The following MBIP variants were observed in gnomAD, a reference collection of about 807,000 sequenced individuals.
MBIP encodes MAP3K12-binding inhibitory protein 1.
Under a neutral mutation model 45.7 loss-of-function variants are expected in MBIP, and 32 were observed. The ratio of observed to expected loss-of-function variants is 0.70; its 90% CI spans 0.53 to 0.94. The LOEUF (loss-of-function observed/expected upper bound fraction) is 0.94, where lower values mean the gene tolerates loss of function less well. Ranked by LOEUF, MBIP falls within the 40% of genes least tolerant of loss-of-function variation. The pLI is 0.00. For missense variants in MBIP, 381 were observed against 405.5 expected (o/e 0.94, Z 0.52); for synonymous variants, 145 against 141.0 (o/e 1.03, Z -0.20).
intron 7 of MBIP, among the ~76,000 whole-genome samples, chr14:36,302,777 G>A (rs1211986447): frequency 1.3e-5 from 2 of 152,160 alleles, no homozygotes; most frequent in African/African-American, 4.8e-5. Flanking sequence ...TAACTTTACT[G>A]TTTGTTTTAG....
chr14:36,317,678 T>C (rs1880655214), intron 1 of MBIP, among the ~76,000 whole-genome samples: 1 of 152,086 alleles, frequency 6.6e-6, no homozygotes, highest in Non-Finnish European at 1.5e-5. Context: ...CTGCAGTCTT[T>C]TGAATGAATA....
chr14:36,299,259 A>G, intron 8 of MBIP, 69 bp from the exon 9 acceptor site: 5 of 984,194 alleles, frequency 5.1e-6, no homozygotes, highest in Non-Finnish European at 8.0e-6. Flanking sequence ...AAAGTGCCAA[A>G]TGAACTATAA....
At chr14:36,305,637 T>C (rs181757019) in intron 7 of MBIP, among the ~76,000 whole-genome samples, 2 of 152,262 alleles carry the variant, frequency 1.3e-5, no homozygotes, top group East Asian at 3.9e-4. Flanking sequence ...TATCCATCAA[T>C]GGACTCTCAC....
At position 36,314,814 on chromosome 14, in the gene MBIP, G is replaced by T; in HGVS notation, c.351C>A (p.Asp117Glu). Residue 117 changes from aspartate to glutamate, a missense_variant, in exon 3 of 9, where the codon GAC becomes GAA. Transcript: ENST00000416007. ...TEMGNKNEVN[D>E]KFSIGDLQEE... is the part of the protein sequence containing the mutation. ...CTTGTAGGTCGCCAATGGAAAATTT[G>T]TCATTTACTTCATTTTTGTTCCCCA... 1 of 1,613,130 alleles carries T rather than the reference G, an allele frequency of 6.2e-7. No homozygotes were observed.
intron 8 of MBIP, among the ~76,000 whole-genome samples, chr14:36,299,516 G>A (rs1310476834): frequency 6.6e-6 from 1 of 150,716 alleles, no homozygotes; most frequent in Non-Finnish European, 1.5e-5. Flanking sequence ...AAGATGGGAG[G>A]AGGGAGAGGA....
In MBIP at chr14:36,310,489, C is replaced by T. The variant is rs150587205; in HGVS notation, c.790+1084G>A. 1.6e-4 allele frequency among the ~76,000 whole-genome samples: 25 copies of T among 152,296 alleles called. No homozygotes were observed. The East Asian group carries it at 3.5e-3, about 21-fold the overall frequency. On this transcript the variant is annotated intron_variant, in intron 6 of 8. Coordinates refer to ENST00000416007, the MANE Select transcript of MBIP (RefSeq NM_016586.3). The stretch of plus-strand genomic sequence containing the variant: ...GTCAAACACTAACTTTCTGTCCCTC[C>T]GTACATACATCTGCAAAGGTGAAAT...
intron 6 of MBIP, among the ~76,000 whole-genome samples, chr14:36,311,210 C>A (rs28690192): frequency 0.082 from 12,422 of 152,192 alleles, 675 homozygotes; most frequent in Non-Finnish European, 0.12. Context: ...TGTAGTCCCA[C>A]TGACACAGGA....
intron 1 of MBIP, among the ~76,000 whole-genome samples, chr14:36,320,051 T>C (rs955667685): frequency 6.6e-6 from 1 of 151,084 alleles, no homozygotes; most frequent in African/African-American, 2.4e-5. Context: ...AAAAAGCTAA[T>C]AAGCGCGCGC....
At chr14:36,301,047 C>T in intron 7 of MBIP, 1 of 321,124 alleles carries the variant, frequency 3.1e-6, no homozygotes, top group South Asian at 1.0e-4. Flanking sequence ...AATATTGCAG[C>T]AACATGCTCA....
In MBIP at chr14:36,302,643, C is replaced by A. The variant is rs1209275836; in HGVS notation, c.889-1820G>T. ...AATATTAGAATGAGGAAAATAAGGT[C>A]ATCAGTCGCTCAGTGACTTAAAAAC... On this transcript the variant is annotated intron_variant, in intron 7 of 8. Transcript: ENST00000416007. Among the ~76,000 whole-genome samples the A allele has an allele frequency of 4.6e-5, 7 of 151,860 alleles. No homozygotes were observed. In the South Asian group the frequency reaches 1.0e-3, roughly 23 times the overall value.
At chr14:36,315,676 A>C (rs1880526287) in intron 2 of MBIP, among the ~76,000 whole-genome samples, 1 of 151,972 alleles carries the variant, frequency 6.6e-6, no homozygotes, top group South Asian at 2.1e-4. Flanking sequence ...CCCCACAATG[A>C]GGTCTCATTT....
chr14:36,308,285 A>G (rs1249424790), intron 6 of MBIP, 96 bp from the exon 7 acceptor site: 2 of 651,428 alleles, frequency 3.1e-6, no homozygotes, highest in African/African-American at 3.7e-5. Flanking sequence ...ACTTATGCAA[A>G]GGAATGGAAA....
chr14:36,311,219 G>A (rs1370219953), intron 6 of MBIP, among the ~76,000 whole-genome samples: 2 of 152,184 alleles, frequency 1.3e-5, no homozygotes, highest in Non-Finnish European at 1.5e-5. Context: ...ACTGACACAG[G>A]AGGTTGAAGC....
intron 6 of MBIP, among the ~76,000 whole-genome samples, chr14:36,309,248 C>A (rs1051697390): frequency 6.6e-6 from 1 of 152,202 alleles, no homozygotes; most frequent in African/African-American, 2.4e-5. Flanking sequence ...CCCTACCCAG[C>A]ACTCCCTTAT....
intron 7 of MBIP, among the ~76,000 whole-genome samples, chr14:36,304,704 A>G (rs1879769608): frequency 6.6e-6 from 1 of 152,164 alleles, no homozygotes; most frequent in South Asian, 2.1e-4. Flanking sequence ...TACACATATA[A>G]CTTATTTTGG....
chr14:36,316,936 AT>A lies in MBIP; in HGVS notation c.130-125del, dbSNP rs1466656856. The stretch of plus-strand genomic sequence containing the variant: ...TTTGCTCTAAGTTATCAAGTTTTTA[AT>A]AATACACTGAAATGCTCTACCCAGT... On this transcript the variant is annotated intron_variant, in intron 1 of 8. Transcript: ENST00000416007. 4.3e-6 allele frequency: 4 copies of A among 929,936 alleles called. No individual in the cohort carries two copies. The African/African-American group carries it at 5.1e-5, about 12-fold the overall frequency. The allele number at this position is 929,936 out of a possible 1,614,324, so 57.6% of individuals were successfully genotyped here.
chr14:36,314,435 A>T (rs531003889), intron 4 of MBIP, 77 bp downstream of exon 4: 1 of 818,294 alleles, frequency 1.2e-6, no homozygotes, highest in South Asian at 1.9e-5. Flanking sequence ...CTATTCATTT[A>T]AAAAATAAAT....
Position 36,312,000 on chromosome 14 carries a change from G to T in MBIP, c.596C>A (p.Ala199Glu). 6.3e-7 allele frequency: 1 copy of T among 1,593,540 alleles called. No individual in the cohort carries two copies. The highest frequency in any genetic ancestry group is 1.2e-5 in the South Asian group (1 of 86,378). The change falls in exon 5 of 9, where the codon GCG becomes GAG. Residue 199 changes from alanine (A) to glutamate (E), a missense_variant. Coordinates refer to ENST00000416007, the MANE Select transcript of MBIP (RefSeq NM_016586.3). Reference sequence around the variant, plus strand: ...AAATCCGGGGTAAGGGGTAAAAATCGCATCAGTTCTTGCACAACTATTTTC... The same window carrying T: ...AAATCCGGGGTAAGGGGTAAAAATCTCATCAGTTCTTGCACAACTATTTTC... The part of the protein sequence containing the change: ...NQENSCARTD[A>E]IFTPYPGFKS...
chr14:36,300,815 A>G lies in MBIP; in HGVS notation c.897T>C (p.Ser299=). 6.5e-7 allele frequency: 1 copy of G among 1,541,378 alleles called. No homozygotes were observed. Among genetic ancestry groups the G allele is most frequent in the Admixed American group, 2.0e-5 (1 of 50,592 alleles). ...SPEYFQSVSF[S]GKRRKVQPPQ... is the part of the protein sequence containing the mutation. ...GTGGTTGAACTTTTCTTCTTTTTCCAGAAAAGCTCTAGATTAAAAAAAAAA... is the reference window on the plus strand; with the variant it reads ...GTGGTTGAACTTTTCTTCTTTTTCCGGAAAAGCTCTAGATTAAAAAAAAAA... The change falls in exon 8 of 9, where the codon TCT becomes TCC. Residue 299 remains serine (S), a synonymous_variant. Transcript: ENST00000416007.
Sources: allele counts gnomAD v4.1 joint callset (sites outside exome capture counted in the v4.1 genomes callset), GRCh38; gene constraint gnomAD v4.1.1; transcripts MANE v1.5; gene names NCBI Gene and HGNC (gene_info 2026-07-23, HGNC 2026-07-21).